GRIK2: variants seen among roughly 807,000 people sequenced by gnomAD.
The protein encoded by GRIK2 is glutamate receptor ionotropic, kainate 2.
In GRIK2, 32 loss-of-function variants were observed where a neutral mutation model predicts 100.3. The observed-to-expected ratio is 0.32, with a 90% CI of 0.24 to 0.43. GRIK2 has a LOEUF of 0.43. Ranked by LOEUF, GRIK2 falls within the 20% of genes least tolerant of loss-of-function variation. The probability of loss-of-function intolerance (pLI) is 1.00; values close to 1 mark genes in which losing one functional copy is unlikely to be tolerated. For synonymous variants in GRIK2, 417 were observed against 389.4 expected, an observed-to-expected ratio of 1.07 and a Z score of -0.83; for missense variants, 843 against 1,114.9, an observed-to-expected ratio of 0.76 and a Z score of 3.47.
In GRIK2 at chr6:101,535,724, T is replaced by C. The variant is rs141464686; in HGVS notation, c.116-86225T>C. Among the ~76,000 whole-genome samples the C allele has an allele frequency of 1.9e-4, 29 of 151,930 alleles. No individual in the cohort carries two copies. In the East Asian group the frequency reaches 4.6e-3, roughly 24 times the overall value. The stretch of plus-strand genomic sequence containing the variant: ...AATTATATATGATATGGATGAGTTA[T>C]GTTGAACAATTCACTTGCTGTGATT... On this transcript the variant is annotated intron_variant, in intron 2 of 16. Transcript: ENST00000369134.
chr6:101,426,023 A>T (rs9377275), intron 2 of GRIK2, among the ~76,000 whole-genome samples: 105,051 of 152,060 alleles, frequency 0.69, 36,537 homozygotes, highest in East Asian at 0.91. Flanking sequence ...GGCATCTTTG[A>T]TTTCTCTTTT....
At chr6:101,874,389 C>G (rs1785658842) in intron 11 of GRIK2, among the ~76,000 whole-genome samples, 1 of 152,034 alleles carries the variant, frequency 6.6e-6, no homozygotes, top group Admixed American at 6.6e-5. Context: ...TCAGGTTTGT[C>G]AAAGATCAAA....
chr6:101,768,218 T>G (rs1778158653), intron 7 of GRIK2, among the ~76,000 whole-genome samples: 1 of 152,174 alleles, frequency 6.6e-6, no homozygotes, highest in Non-Finnish European at 1.5e-5. Context: ...CTTAACCTTG[T>G]TGAGAAACAT....
At chr6:101,738,143 T>C (rs1775777439) in intron 7 of GRIK2, among the ~76,000 whole-genome samples, 1 of 137,132 alleles carries the variant, frequency 7.3e-6, no homozygotes. Flanking sequence ...AATATACAAT[T>C]GACACATTAA....
intron 11 of GRIK2, among the ~76,000 whole-genome samples, chr6:101,886,040 A>G (rs967332085): frequency 6.6e-6 from 1 of 152,078 alleles, no homozygotes; most frequent in Non-Finnish European, 1.5e-5. Flanking sequence ...CACCACCCTA[A>G]AATCCTTCTG....
chr6:101,428,476 A>T (rs1219873569), intron 2 of GRIK2, among the ~76,000 whole-genome samples: 2 of 152,216 alleles, frequency 1.3e-5, no homozygotes, highest in Non-Finnish European at 1.5e-5. Context: ...ATATAATTTT[A>T]AAAATCTTAG....
At chr6:101,854,598 A>G (rs533259071) in intron 10 of GRIK2, among the ~76,000 whole-genome samples, 35 of 152,266 alleles carry the variant, frequency 2.3e-4, no homozygotes, top group African/African-American at 8.4e-4. Flanking sequence ...ATGAAAAATT[A>G]TTGGGAAGCT....
chr6:102,049,319 C>G (rs1582787397), intron 15 of GRIK2, among the ~76,000 whole-genome samples: 1 of 152,034 alleles, frequency 6.6e-6, no homozygotes, highest in African/African-American at 2.4e-5. Context: ...ATATTTTCCA[C>G]AGAGAGAACA....
At chr6:102,033,750 T>A (rs1770120974) in intron 14 of GRIK2, among the ~76,000 whole-genome samples, 1 of 151,354 alleles carries the variant, frequency 6.6e-6, no homozygotes, top group Non-Finnish European at 1.5e-5. Context: ...AAATGAAAAA[T>A]CAGTGCTGGA....
intron 14 of GRIK2, among the ~76,000 whole-genome samples, chr6:101,965,463 T>A (rs975436300): frequency 3.3e-5 from 5 of 152,208 alleles, no homozygotes; most frequent in Non-Finnish European, 7.3e-5. Context: ...TTATCTGTCA[T>A]TGTTCTCCCT....
chr6:101,995,532 T>C (rs912969940), intron 14 of GRIK2, among the ~76,000 whole-genome samples: 2 of 151,996 alleles, frequency 1.3e-5, no homozygotes, highest in African/African-American at 4.8e-5. Flanking sequence ...TTGATACTAC[T>C]TGACAGCAAA....
chr6:101,888,757 G>A (rs1056611154), intron 11 of GRIK2, among the ~76,000 whole-genome samples: 2 of 151,890 alleles, frequency 1.3e-5, no homozygotes, highest in Non-Finnish European at 2.9e-5. Flanking sequence ...AACTCTTGAC[G>A]GTGAACATTT....
At chr6:101,988,141 GCGCGCGCGCGCGCGTGCGCGCACA>G (rs1562091308) in intron 14 of GRIK2, among the ~76,000 whole-genome samples, 1 of 5,918 alleles carries the variant, frequency 1.7e-4, no homozygotes, top group African/African-American at 6.1e-4. Flanking sequence ...GTGCGCGCGC[GCGCGCGCGCGCGCGTGCGCGCACA>G]TGCAAGAGCA....
intron 2 of GRIK2, among the ~76,000 whole-genome samples, chr6:101,586,081 G>T (rs1247883835): frequency 6.6e-6 from 1 of 151,950 alleles, no homozygotes; most frequent in Non-Finnish European, 1.5e-5. Flanking sequence ...TGAGGTTTGG[G>T]AGTTTAGTCC....
intron 9 of GRIK2, among the ~76,000 whole-genome samples, chr6:101,805,557 T>C (rs951045805): frequency 2.0e-5 from 3 of 152,040 alleles, no homozygotes; most frequent in African/African-American, 4.8e-5. Flanking sequence ...ATTCTCATTC[T>C]GTCTTGGTCA....
At chr6:101,787,752 C>T (rs1325673057) in intron 7 of GRIK2, among the ~76,000 whole-genome samples, 1 of 152,026 alleles carries the variant, frequency 6.6e-6, no homozygotes, top group Non-Finnish European at 1.5e-5. Flanking sequence ...GTTTTGTGTG[C>T]TGATGAGAAG....
intron 12 of GRIK2, among the ~76,000 whole-genome samples, chr6:101,897,198 A>C (rs1197777879): frequency 2.0e-5 from 3 of 151,834 alleles, no homozygotes; most frequent in African/African-American, 7.2e-5. Flanking sequence ...GACAAGAATA[A>C]TACTGGTTTA....
At chr6:101,595,673 A>C (rs1345850344) in intron 2 of GRIK2, among the ~76,000 whole-genome samples, 1 of 144,148 alleles carries the variant, frequency 6.9e-6, no homozygotes, top group African/African-American at 2.6e-5. Flanking sequence ...TATACACATA[A>C]ATATATTTGT....
At chr6:101,594,555 A>G (rs1778818909) in intron 2 of GRIK2, among the ~76,000 whole-genome samples, 1 of 151,838 alleles carries the variant, frequency 6.6e-6, no homozygotes, top group Non-Finnish European at 1.5e-5. Context: ...CTTGAATACT[A>G]GTGGAATTTT....
Sources: gnomAD v4.1 joint callset for allele counts (sites outside exome capture counted in the v4.1 genomes callset) on GRCh38, gnomAD v4.1.1 for gene constraint, MANE v1.5 for transcripts, NCBI Gene and HGNC (gene_info 2026-07-23, HGNC 2026-07-21) for gene names.